The following NXPE2 variants were observed in gnomAD, a reference collection of about 807,000 sequenced individuals.
The protein encoded by NXPE2 is neurexophilin and PC-esterase domain family member 2, also known as NXPE family member 2.
Under a neutral mutation model 34.4 loss-of-function variants are expected in NXPE2, and 34 were observed. The observed-to-expected ratio is 0.99, with a 90% CI of 0.75 to 1.31. The LOEUF (loss-of-function observed/expected upper bound fraction) is 1.31. Ranked by LOEUF, NXPE2 falls within the 40% of genes most tolerant of loss-of-function variation. The pLI, the probability that NXPE2 is intolerant of heterozygous loss-of-function variation, is 0.00. For missense variants in NXPE2, 649 were observed against 672.5 expected, an observed-to-expected ratio of 0.97 and a Z score of 0.39; for synonymous variants, 235 against 231.3, an observed-to-expected ratio of 1.02 and a Z score of -0.15.
At chr11:114,593,672 G>T in the NXPE2 span, among the ~76,000 whole-genome samples, 1 of 152,180 alleles carries the variant, frequency 6.6e-6, no homozygotes, top group South Asian at 2.1e-4. Flanking sequence ...CCACTGCTAG[G>T]TATATACCCA....
At chr11:114,472,158 G>A in the NXPE2 span, among the ~76,000 whole-genome samples, 4 of 152,190 alleles carry the variant, frequency 2.6e-5, no homozygotes, top group East Asian at 1.9e-4. Flanking sequence ...GGAGGCACAC[G>A]TTCCTCTGGG....
chr11:114,747,006 C>T, the NXPE2 span, among the ~76,000 whole-genome samples: 581 of 152,138 alleles, frequency 3.8e-3, 2 homozygotes, highest in Non-Finnish European at 6.6e-3. Flanking sequence ...AAATCCATGT[C>T]CCCTATCTCT....
At chr11:114,549,536 A>C in the NXPE2 span, among the ~76,000 whole-genome samples, 51 of 152,212 alleles carry the variant, frequency 3.4e-4, no homozygotes, top group African/African-American at 1.1e-3. Flanking sequence ...TGACAAAATT[A>C]GTACTGATTC....
At chr11:114,593,870 A>C in the NXPE2 span, among the ~76,000 whole-genome samples, 27,292 of 152,186 alleles carry the variant, frequency 0.18, 2,790 homozygotes, top group South Asian at 0.22. Context: ...TGTCATTTGC[A>C]ACAACATGGA....
At chr11:114,580,180 C>T in the NXPE2 span, 4 of 1,614,066 alleles carry the variant, frequency 2.5e-6, no homozygotes, top group Non-Finnish European at 3.4e-6. Context: ...ATCGTGGAAT[C>T]TCCCATTAGG....
the NXPE2 span, among the ~76,000 whole-genome samples, chr11:114,810,226 A>G: frequency 1.3e-5 from 2 of 150,408 alleles, no homozygotes; most frequent in African/African-American, 2.5e-5. Context: ...TAGACCTAAA[A>G]CCATAAAAAC....
chr11:114,538,561 A>G, the NXPE2 span, among the ~76,000 whole-genome samples: 5 of 152,350 alleles, frequency 3.3e-5, no homozygotes, highest in Middle Eastern at 3.4e-3. Flanking sequence ...AGAATCTACA[A>G]TGAACTCAAA....
At chr11:114,543,685 G>C in the NXPE2 span, among the ~76,000 whole-genome samples, 2 of 152,002 alleles carry the variant, frequency 1.3e-5, no homozygotes, top group Non-Finnish European at 2.9e-5. Flanking sequence ...AGTCAAGAAT[G>C]TCCTCTTTCA....
chr11:114,731,502 C>T, the NXPE2 span, among the ~76,000 whole-genome samples: 1 of 152,186 alleles, frequency 6.6e-6, no homozygotes, highest in Non-Finnish European at 1.5e-5. Flanking sequence ...AAGGGTTAAA[C>T]AGTTCATGGT....
the NXPE2 span, among the ~76,000 whole-genome samples, chr11:114,598,583 C>A: frequency 6.6e-6 from 1 of 152,244 alleles, no homozygotes; most frequent in African/African-American, 2.4e-5. Context: ...ACTCTGTGCA[C>A]CTGCAGGCTT....
At chr11:114,558,383 C>T in the NXPE2 span, among the ~76,000 whole-genome samples, 194 of 152,066 alleles carry the variant, frequency 1.3e-3, no homozygotes, top group Non-Finnish European at 2.2e-3. Context: ...ATATTGGGTA[C>T]GTTTGCCTTG....
the NXPE2 span, among the ~76,000 whole-genome samples, chr11:114,647,638 T>C: frequency 6.6e-6 from 1 of 152,104 alleles, no homozygotes; most frequent in Non-Finnish European, 1.5e-5. Context: ...TTATATATGG[T>C]TATTTATTCT....
chr11:114,724,890 G>GTTT, the NXPE2 span, among the ~76,000 whole-genome samples: 98 of 90,928 alleles, frequency 1.1e-3, no homozygotes, highest in African/African-American at 3.8e-3. Flanking sequence ...TTCAGAAATG[G>GTTT]TTTTTTTTTT....
chr11:114,801,918 C>T, the NXPE2 span, among the ~76,000 whole-genome samples: 6 of 152,052 alleles, frequency 3.9e-5, no homozygotes, highest in African/African-American at 7.2e-5. Context: ...TACCAGACAG[C>T]GGAGAGGCAT....
chr11:114,616,987 T>G, the NXPE2 span, among the ~76,000 whole-genome samples: 1 of 146,522 alleles, frequency 6.8e-6, no homozygotes, highest in Non-Finnish European at 1.5e-5. Flanking sequence ...TGTTTCCTTG[T>G]GGGTAACCAC....
At chr11:114,539,136 A>G in the NXPE2 span, among the ~76,000 whole-genome samples, 2 of 152,188 alleles carry the variant, frequency 1.3e-5, no homozygotes, top group Non-Finnish European at 2.9e-5. Context: ...CTTTTTAGGG[A>G]CATGGATGAA....
chr11:114,610,015 C>T, the NXPE2 span, among the ~76,000 whole-genome samples: 2 of 142,016 alleles, frequency 1.4e-5, no homozygotes, highest in African/African-American at 5.2e-5. Context: ...GTAGATAATA[C>T]ATGTTGCCTC....
the NXPE2 span, among the ~76,000 whole-genome samples, chr11:114,718,803 T>C: frequency 1.3e-5 from 2 of 152,194 alleles, no homozygotes; most frequent in African/African-American, 2.4e-5. Context: ...TTATCATCAT[T>C]GGAGGTAGCT....
chr11:114,705,739 G>A, intron 4 of NXPE2, 42 bp from the exon 5 acceptor site: 1 of 1,199,678 alleles, frequency 8.3e-7, no homozygotes, highest in East Asian at 3.0e-5. Flanking sequence ...AAAATAATTT[G>A]TGGTAATAAA....
Sources: allele counts gnomAD v4.1 joint callset (sites outside exome capture counted in the v4.1 genomes callset), GRCh38; gene constraint gnomAD v4.1.1; transcripts MANE v1.5; gene names NCBI Gene and HGNC (gene_info 2026-07-23, HGNC 2026-07-21).